Variants in RIMS2 observed in about 807,000 individuals in gnomAD.
RIMS2 encodes regulating synaptic membrane exocytosis protein 2.
Under a neutral mutation model 174.4 loss-of-function variants are expected in RIMS2, and 59 were observed. The observed-to-expected ratio is 0.34, with a 90% CI of 0.27 to 0.42. The LOEUF (loss-of-function observed/expected upper bound fraction) is 0.42. Among genes scored for constraint, RIMS2 ranks in the 10% least tolerant of loss-of-function variants. RIMS2 has a pLI of 1.00. For synonymous variants in RIMS2, 606 were observed against 572.5 expected (o/e 1.06, Z -0.84); for missense variants, 1,620 against 1,666.3 (o/e 0.97, Z 0.48).
intron 3 of RIMS2, among the ~76,000 whole-genome samples, chr8:103,782,254 TTA>T (rs1420111529): frequency 1.3e-5 from 2 of 152,108 alleles, no homozygotes; most frequent in African/African-American, 4.8e-5. Context: ...TTGTATTTCC[TTA>T]TCTTTCTTTT....
rs149255496 is a variant in RIMS2, at chr8:104,140,464, T to C, written c.3335-104452T>C. Among the ~76,000 whole-genome samples, 312 of 152,264 alleles carry C rather than the reference T, an allele frequency of 2.0e-3. 1 individual carries two copies. Among genetic ancestry groups the C allele is most frequent in the Non-Finnish European group, 3.5e-3 (240 of 68,022 alleles). On this transcript the variant is annotated intron_variant, in intron 19 of 23. Transcript: ENST00000504942. The stretch of plus-strand genomic sequence containing the variant: ...GCACGTGTCCCTTAGATAATAACTA[T>C]GTCTCATGTCTTATTTATTGTTCTT...
At chr8:103,766,628 G>T (rs1381982819) in intron 3 of RIMS2, 91 bp downstream of exon 6, 1 of 820,746 alleles carries the variant, frequency 1.2e-6, no homozygotes, top group Non-Finnish European at 1.9e-6. Context: ...TTAGGCAATG[G>T]TGAGTTGTCT....
At chr8:103,791,577 C>T (rs746371511) in intron 3 of RIMS2, among the ~76,000 whole-genome samples, 1 of 152,084 alleles carries the variant, frequency 6.6e-6, no homozygotes, top group South Asian at 2.1e-4. Context: ...ACTATATTAA[C>T]CTTAAATATA....
chr8:103,590,561 T>C (rs2094202601), intron 1 of RIMS2, among the ~76,000 whole-genome samples: 2 of 151,216 alleles, frequency 1.3e-5, no homozygotes, highest in African/African-American at 4.8e-5. Context: ...GAAAGAATTT[T>C]ATAGTGAACA....
intron 1 of RIMS2, among the ~76,000 whole-genome samples, chr8:103,586,122 A>T (rs2093907886): frequency 6.6e-6 from 1 of 152,190 alleles, no homozygotes; most frequent in Non-Finnish European, 1.5e-5. Context: ...AGCTAAAGAG[A>T]GAGGTAGGCC....
chr8:104,168,578 G>T (rs1376502149), intron 19 of RIMS2, among the ~76,000 whole-genome samples: 2 of 151,922 alleles, frequency 1.3e-5, no homozygotes, highest in Admixed American at 6.6e-5. Context: ...AGTCTTTAGG[G>T]TTTTCAGGGT....
intron 19 of RIMS2, among the ~76,000 whole-genome samples, chr8:104,187,058 T>C (rs2098972056): frequency 6.6e-6 from 1 of 151,770 alleles, no homozygotes; most frequent in Non-Finnish European, 1.5e-5. Flanking sequence ...AACAAAGTCA[T>C]AGTACTAGTC....
intron 2 of RIMS2, among the ~76,000 whole-genome samples, chr8:103,743,360 T>G (rs2139418750): frequency 6.6e-6 from 1 of 152,326 alleles, no homozygotes; most frequent in South Asian, 2.1e-4. Context: ...TCCAGAATTA[T>G]TGCCGGATAA....
At chr8:104,207,334 T>A (rs533742648) in intron 19 of RIMS2, among the ~76,000 whole-genome samples, 130 of 152,306 alleles carry the variant, frequency 8.5e-4, no homozygotes, top group African/African-American at 3.0e-3. Context: ...AAATACATTT[T>A]AAAAAATTTA....
chr8:103,848,247 T>C (rs2098978439), intron 3 of RIMS2, among the ~76,000 whole-genome samples: 1 of 152,080 alleles, frequency 6.6e-6, no homozygotes, highest in South Asian at 2.1e-4. Context: ...AGGCCAACAC[T>C]GAATGAGGCT....
At chr8:104,079,626 T>TATAA (rs2097370833) in intron 19 of RIMS2, among the ~76,000 whole-genome samples, 1 of 134,054 alleles carries the variant, frequency 7.5e-6, no homozygotes, top group African/African-American at 2.7e-5. Flanking sequence ...TATATATATA[T>TATAA]ATATATATAT....
intron 19 of RIMS2, among the ~76,000 whole-genome samples, chr8:104,078,323 T>C (rs1379979386): frequency 6.6e-6 from 1 of 152,198 alleles, no homozygotes; most frequent in Non-Finnish European, 1.5e-5. Flanking sequence ...CAAAATACCA[T>C]AGAAGGGGTG....
intron 14 of RIMS2, among the ~76,000 whole-genome samples, chr8:103,944,266 A>T (rs971890839): frequency 6.6e-6 from 1 of 152,114 alleles, no homozygotes; most frequent in African/African-American, 2.4e-5. Flanking sequence ...CCTTTGTTGT[A>T]ATAATTACAT....
At chr8:103,507,716 A>G (rs1239495442) in intron 1 of RIMS2, among the ~76,000 whole-genome samples, 1 of 152,116 alleles carries the variant, frequency 6.6e-6, no homozygotes, top group Non-Finnish European at 1.5e-5. Flanking sequence ...ACTAGAAACT[A>G]GAAGAACATT....
chr8:103,529,335 C>T (rs1835787196), intron 1 of RIMS2, among the ~76,000 whole-genome samples: 1 of 152,188 alleles, frequency 6.6e-6, no homozygotes, highest in Admixed American at 6.5e-5. Flanking sequence ...GGCGGGTGCC[C>T]CTCCCCCAGG....
chr8:103,650,350 G>T (rs971961041), intron 1 of RIMS2, among the ~76,000 whole-genome samples: 2 of 152,130 alleles, frequency 1.3e-5, no homozygotes, highest in African/African-American at 2.4e-5. Context: ...AAATATGCCT[G>T]TAGGAGGTGA....
chr8:103,730,452 G>A (rs189661815), intron 2 of RIMS2, among the ~76,000 whole-genome samples: 5 of 151,886 alleles, frequency 3.3e-5, no homozygotes, highest in African/African-American at 1.2e-4. Flanking sequence ...AATGTATTTT[G>A]TCTAATTATA....
At chr8:104,087,904 C>G (rs2097564688) in intron 19 of RIMS2, among the ~76,000 whole-genome samples, 1 of 151,996 alleles carries the variant, frequency 6.6e-6, no homozygotes, top group Non-Finnish European at 1.5e-5. Flanking sequence ...CTTTTGAGCT[C>G]TGCAGCTATC....
chr8:103,830,961 C>A (rs939040724), intron 3 of RIMS2, among the ~76,000 whole-genome samples: 11 of 152,084 alleles, frequency 7.2e-5, no homozygotes, highest in African/African-American at 2.7e-4. Flanking sequence ...GTGCAAGCCA[C>A]CGCACCTGGC....
Sources: allele counts gnomAD v4.1 joint callset (sites outside exome capture counted in the v4.1 genomes callset), GRCh38; gene constraint gnomAD v4.1.1; transcripts MANE v1.5; gene names NCBI Gene and HGNC (gene_info 2026-07-23, HGNC 2026-07-21).